The following BCL2L11 variants were observed in gnomAD, a reference collection of about 807,000 sequenced individuals.
BCL2L11 encodes the protein bcl-2-like protein 11.
BCL2L11 carries 15 observed loss-of-function variants against 20.6 expected under a neutral mutation model. The observed-to-expected ratio is 0.73, with a 90% confidence interval of 0.49 to 1.12. The LOEUF (loss-of-function observed/expected upper bound fraction) is 1.12. Among genes scored for constraint, BCL2L11 ranks in the 50% most tolerant of loss-of-function variants. The pLI, the probability that BCL2L11 is intolerant of heterozygous loss-of-function variation, is 0.00. For missense variants in BCL2L11, 292 were observed against 260.9 expected (o/e 1.12, Z -0.82); for synonymous variants, 108 against 92.8 (o/e 1.16, Z -0.94).
rs2078958574 is a variant in BCL2L11, at chr2:111,165,004, A to C, written c.*773A>C. ...AACTCCAGTCTGGACTCAGATGCAT[A>C]GATTTGGTCCAGTGTATTTTCATGA... On this transcript the variant is annotated 3_prime_UTR_variant, in exon 4 of 4. Coordinates refer to ENST00000393256, the MANE Select transcript of BCL2L11 (RefSeq NM_138621.5). 2 of 152,208 alleles carry C rather than the reference A, an allele frequency of 1.3e-5. No homozygotes were observed. The highest frequency in any genetic ancestry group is 3.8e-4 in the East Asian group (2 of 5,202). 9.4% of individuals were successfully genotyped at this position (152,208 alleles called of 1,614,324 possible).
At chr2:111,138,277 G>C (rs974133020) in intron 2 of BCL2L11, among the ~76,000 whole-genome samples, 1 of 152,162 alleles carries the variant, frequency 6.6e-6, no homozygotes, top group South Asian at 2.1e-4. Context: ...CCAAAGTGCT[G>C]AGATTACAGG....
chr2:111,146,001 GC>G, intron 2 of BCL2L11: 7 of 979,970 alleles, frequency 7.1e-6, no homozygotes, highest in Non-Finnish European at 8.4e-6. Flanking sequence ...GCCTGAGTCT[GC>G]TACTTGCAGG....
intron 2 of BCL2L11, among the ~76,000 whole-genome samples, chr2:111,139,325 C>T (rs773158517): frequency 3.5e-4 from 54 of 152,274 alleles, no homozygotes; most frequent in Non-Finnish European, 5.4e-4. Flanking sequence ...CTGCTGGAGA[C>T]GGCCCATTTG....
At chr2:111,133,836 G>C (rs1022683150) in intron 2 of BCL2L11, among the ~76,000 whole-genome samples, 1 of 152,146 alleles carries the variant, frequency 6.6e-6, no homozygotes, top group African/African-American at 2.4e-5. Context: ...GAAATCCCCA[G>C]CTGTTTCCTT....
intron 2 of BCL2L11, among the ~76,000 whole-genome samples, chr2:111,134,165 A>G (rs1299462906): frequency 2.6e-5 from 4 of 151,802 alleles, no homozygotes; most frequent in Non-Finnish European, 4.4e-5. Flanking sequence ...TACATTTAAG[A>G]TAATATATGT....
chr2:111,151,176 A>G (rs1346634273), intron 3 of BCL2L11, among the ~76,000 whole-genome samples: 2 of 152,144 alleles, frequency 1.3e-5, no homozygotes, highest in Non-Finnish European at 2.9e-5. Context: ...TGCTGGGATT[A>G]CAGGTGTGAG....
intron 1 of BCL2L11, among the ~76,000 whole-genome samples, chr2:111,121,446 C>G (rs994858672): frequency 9.2e-5 from 14 of 152,232 alleles, no homozygotes; most frequent in Non-Finnish European, 1.8e-4. Context: ...GGATGCTGCG[C>G]GCGGGCCTGG....
At chr2:111,149,721 A>G (rs1214830884) in intron 2 of BCL2L11, among the ~76,000 whole-genome samples, 4 of 152,352 alleles carry the variant, frequency 2.6e-5, no homozygotes, top group African/African-American at 9.6e-5. Flanking sequence ...TTTCTTTGGC[A>G]GTATTTTCCA....
chr2:111,127,537 C>A (rs1267864991), intron 2 of BCL2L11, among the ~76,000 whole-genome samples: 2 of 151,022 alleles, frequency 1.3e-5, no homozygotes, highest in Non-Finnish European at 2.9e-5. Context: ...CCTGCAGATG[C>A]TAGCGAGTGC....
At chr2:111,138,465 CTGGGCATGCAT>C (rs1161900846) in intron 2 of BCL2L11, among the ~76,000 whole-genome samples, 9 of 152,326 alleles carry the variant, frequency 5.9e-5, no homozygotes, top group African/African-American at 1.2e-4. Context: ...CAGCCTGTCA[CTGGGCATGCAT>C]ACCTTGTTTG....
At chr2:111,128,659 C>T (rs2073220942) in intron 2 of BCL2L11, 1 of 1,541,296 alleles carries the variant, frequency 6.5e-7, no homozygotes, top group Non-Finnish European at 8.7e-7. Flanking sequence ...TGATCTTTCA[C>T]TGTGCTTTGG....
intron 2 of BCL2L11, among the ~76,000 whole-genome samples, chr2:111,129,407 TGTTA>T (rs1275353619): frequency 9.9e-5 from 15 of 152,230 alleles, no homozygotes; most frequent in Non-Finnish European, 2.1e-4. Context: ...ATTTATTAAT[TGTTA>T]GTTACCCAAT....
At position 111,164,139 on chromosome 2, in the gene BCL2L11, T is replaced by C; in HGVS notation, c.505T>C (p.Leu169=). 5 of 1,603,254 alleles carry C rather than the reference T, an allele frequency of 3.1e-6. No individual in the cohort carries two copies. Among genetic ancestry groups the C allele is most frequent in the Non-Finnish European group, 3.4e-6 (4 of 1,170,162 alleles). The change falls in exon 4 of 4, where the codon TTG becomes CTG. Residue 169 remains leucine (L), a synonymous_variant. Coordinates refer to ENST00000393256, the MANE Select transcript of BCL2L11 (RefSeq NM_138621.5). ...TTTCCTTTTGTTGTTTCAGGTATTT[T>C]TGAATAATTACCAAGCAGCCGAAGA... The part of the protein sequence containing the change: ...FNAYYARRVF[L]NNYQAAEDHP...
chr2:111,149,379 A>G (rs188874852), intron 2 of BCL2L11, among the ~76,000 whole-genome samples: 4 of 152,254 alleles, frequency 2.6e-5, no homozygotes, highest in Admixed American at 2.0e-4. Context: ...ACCCAAAAAC[A>G]TGTTTTCTCT....
chr2:111,143,487 T>C (rs1383811091), intron 2 of BCL2L11, among the ~76,000 whole-genome samples: 1 of 152,090 alleles, frequency 6.6e-6, no homozygotes, highest in African/African-American at 2.4e-5. Flanking sequence ...TCCTTTATAG[T>C]CCCAGGGGCA....
In BCL2L11 at chr2:111,150,164, T is replaced by C; in HGVS notation, c.498+17T>C. 1 of 1,611,992 alleles carries C rather than the reference T, an allele frequency of 6.2e-7. No homozygotes were observed. Among genetic ancestry groups the C allele is most frequent in the East Asian group, 2.2e-5 (1 of 44,794 alleles). ...GCAAGGAGGGTAATGATGTTTTCTTTACCCGCTTTTCTGCTCACACCCTCC... is the reference window on the plus strand; with the variant it reads ...GCAAGGAGGGTAATGATGTTTTCTTCACCCGCTTTTCTGCTCACACCCTCC... On this transcript the variant is annotated intron_variant, in intron 3 of 3. Transcript: ENST00000393256.
chr2:111,130,125 G>A, intron 2 of BCL2L11: 2 of 226,330 alleles, frequency 8.8e-6, no homozygotes, highest in South Asian at 3.6e-5. Context: ...TTTTTTTTTT[G>A]TGACAGTCTC....
At chr2:111,127,445 C>T (rs2072905484) in intron 2 of BCL2L11, among the ~76,000 whole-genome samples, 1 of 136,704 alleles carries the variant, frequency 7.3e-6, no homozygotes. Flanking sequence ...TTTTCCTCAG[C>T]GTCTTGTGGG....
chr2:111,125,479 G>C (rs922374864), intron 2 of BCL2L11, among the ~76,000 whole-genome samples: 19 of 152,224 alleles, frequency 1.2e-4, no homozygotes, highest in African/African-American at 4.6e-4. Flanking sequence ...AGGAAACCCA[G>C]TACAGAGTCT....
Sources: gnomAD v4.1 joint callset for allele counts (sites outside exome capture counted in the v4.1 genomes callset) on GRCh38, gnomAD v4.1.1 for gene constraint, MANE v1.5 for transcripts, NCBI Gene and HGNC (gene_info 2026-07-23, HGNC 2026-07-21) for gene names.